GRIN2A: variants seen among roughly 807,000 people sequenced by gnomAD.
GRIN2A encodes glutamate receptor ionotropic, NMDA 2A.
GRIN2A carries 22 observed loss-of-function variants against 113.4 expected under a neutral mutation model. That is an observed-to-expected ratio of 0.19 (90% CI 0.14 to 0.28). GRIN2A has a LOEUF of 0.28. Ranked by LOEUF, GRIN2A falls within the 10% of genes least tolerant of loss-of-function variation. The pLI, the probability that GRIN2A is intolerant of heterozygous loss-of-function variation, is 1.00. For synonymous variants in GRIN2A, 827 were observed against 738.4 expected, an observed-to-expected ratio of 1.12 and a Z score of -1.94; for missense variants, 1,502 against 1,887.0, an observed-to-expected ratio of 0.80 and a Z score of 3.78.
At chr16:10,069,525 C>G (rs1264053855) in intron 2 of GRIN2A, among the ~76,000 whole-genome samples, 1 of 152,238 alleles carries the variant, frequency 6.6e-6, no homozygotes, top group Non-Finnish European at 1.5e-5. Flanking sequence ...GCCAGTGGAT[C>G]TGCTCTGCAG....
At chr16:9,891,250 T>C in intron 3 of GRIN2A, 150 bp from the exon 4 acceptor site, 1 of 677,970 alleles carries the variant, frequency 1.5e-6, no homozygotes, top group Non-Finnish European at 2.7e-6. Flanking sequence ...GAAGTATTAA[T>C]AACCATGCAA....
At chr16:9,992,708 G>A (rs2141821327) in intron 2 of GRIN2A, among the ~76,000 whole-genome samples, 1 of 152,294 alleles carries the variant, frequency 6.6e-6, no homozygotes, top group East Asian at 1.9e-4. Flanking sequence ...AGGATGCAGA[G>A]AAATCAAGGC....
At chr16:10,105,639 T>C (rs1290830028) in intron 2 of GRIN2A, among the ~76,000 whole-genome samples, 1 of 152,158 alleles carries the variant, frequency 6.6e-6, no homozygotes, top group Non-Finnish European at 1.5e-5. Flanking sequence ...TGGTGGTTCA[T>C]GCTTGTAATT....
chr16:9,968,900 G>A (rs946968230), intron 2 of GRIN2A, among the ~76,000 whole-genome samples: 31 of 152,150 alleles, frequency 2.0e-4, no homozygotes, highest in African/African-American at 7.2e-4. Flanking sequence ...GAGCCACTGC[G>A]CCCTGCCCTC....
intron 2 of GRIN2A, among the ~76,000 whole-genome samples, chr16:10,088,324 G>A (rs1033396828): frequency 3.3e-5 from 5 of 152,126 alleles, no homozygotes; most frequent in African/African-American, 1.2e-4. Context: ...AGCACAAACA[G>A]GTAAAAATGC....
chr16:10,017,120 G>T (rs905091533), intron 2 of GRIN2A, among the ~76,000 whole-genome samples: 1 of 152,186 alleles, frequency 6.6e-6, no homozygotes. Context: ...ATGAGCAGGT[G>T]ATCAAGCCCC....
chr16:9,843,301 T>A (rs1487451869), intron 5 of GRIN2A, among the ~76,000 whole-genome samples: 2 of 152,050 alleles, frequency 1.3e-5, no homozygotes, highest in East Asian at 3.9e-4. Flanking sequence ...ATATACATCA[T>A]CTCTATATCC....
chr16:10,016,426 G>T (rs1475031398), intron 2 of GRIN2A, among the ~76,000 whole-genome samples: 1 of 152,014 alleles, frequency 6.6e-6, no homozygotes, highest in Non-Finnish European at 1.5e-5. Flanking sequence ...AAGAAAAGAA[G>T]GACTATTGCC....
intron 2 of GRIN2A, among the ~76,000 whole-genome samples, chr16:10,126,869 T>C (rs1438911693): frequency 1.3e-5 from 2 of 152,190 alleles, no homozygotes; most frequent in Non-Finnish European, 2.9e-5. Context: ...CCTTGTCTTT[T>C]GGCCTACAGC....
At chr16:9,905,451 G>T in intron 3 of GRIN2A, among the ~76,000 whole-genome samples, 1 of 152,190 alleles carries the variant, frequency 6.6e-6, no homozygotes, top group East Asian at 1.9e-4. Flanking sequence ...GGTGCAAGAT[G>T]ATAACAGTGG....
At chr16:9,921,623 G>A (rs1470152718) in intron 3 of GRIN2A, among the ~76,000 whole-genome samples, 1 of 152,162 alleles carries the variant, frequency 6.6e-6, no homozygotes, top group Non-Finnish European at 1.5e-5. Context: ...CAGAATAAGT[G>A]CTGTGGTAGC....
chr16:10,089,013 G>A (rs913850760), intron 2 of GRIN2A, among the ~76,000 whole-genome samples: 1 of 152,156 alleles, frequency 6.6e-6, no homozygotes, highest in Non-Finnish European at 1.5e-5. Context: ...CTCTCCTCAT[G>A]CCTCAGTTTT....
At chr16:10,017,983 T>G (rs1186561456) in intron 2 of GRIN2A, among the ~76,000 whole-genome samples, 1 of 152,232 alleles carries the variant, frequency 6.6e-6, no homozygotes, top group East Asian at 1.9e-4. Flanking sequence ...GGTATTTACC[T>G]TGATAACTTA....
intron 9 of GRIN2A, among the ~76,000 whole-genome samples, chr16:9,824,348 C>G (rs1272824470): frequency 6.6e-6 from 1 of 152,228 alleles, no homozygotes; most frequent in African/African-American, 2.4e-5. Flanking sequence ...ATCCTCATGG[C>G]AGCCGCCTGC....
In GRIN2A at chr16:9,755,488, G is replaced by C. The variant is rs1330497554; in HGVS notation, c.*7661C>G. The C allele has an allele frequency of 1.1e-5, 2 of 182,644 alleles. No homozygotes were observed. The allele number at this position is 182,644 out of a possible 1,614,324, so 11.3% of individuals were successfully genotyped here. A position where few individuals can be genotyped will look rare whatever the true frequency, so the allele number is the denominator to read the frequency against. On this transcript the variant is annotated 3_prime_UTR_variant, in exon 13 of 13. Coordinates refer to ENST00000330684, the MANE Select transcript of GRIN2A (RefSeq NM_001134407.3). ...AAACAGCTGAGAAATTTTTCTCATA[G>C]ACTAGCACTTAACTTGCATTAAGTT... is the stretch of plus-strand genomic sequence containing the variant.
At chr16:10,054,291 T>C (rs1377534595) in intron 2 of GRIN2A, among the ~76,000 whole-genome samples, 2 of 152,150 alleles carry the variant, frequency 1.3e-5, no homozygotes, top group Non-Finnish European at 2.9e-5. Flanking sequence ...GGCCAATAAA[T>C]GTGAAAATAT....
At chr16:10,125,376 G>A (rs2048912762) in intron 2 of GRIN2A, among the ~76,000 whole-genome samples, 1 of 152,156 alleles carries the variant, frequency 6.6e-6, no homozygotes, top group Non-Finnish European at 1.5e-5. Context: ...ATGCTGGACA[G>A]AACAACCCCA....
chr16:10,067,068 C>T (rs532675496), intron 2 of GRIN2A, among the ~76,000 whole-genome samples: 1 of 152,322 alleles, frequency 6.6e-6, no homozygotes, highest in East Asian at 1.9e-4. Context: ...CTGGATCCCC[C>T]AGCTGTGAAC....
At chr16:9,988,289 G>A (rs1007469070) in intron 2 of GRIN2A, among the ~76,000 whole-genome samples, 3 of 120,992 alleles carry the variant, frequency 2.5e-5, no homozygotes, top group Non-Finnish European at 5.6e-5. Context: ...GTGTGCGTGT[G>A]TGTGTGTGTG....
Sources: allele counts gnomAD v4.1 joint callset (sites outside exome capture counted in the v4.1 genomes callset), GRCh38; gene constraint gnomAD v4.1.1; transcripts MANE v1.5; gene names NCBI Gene and HGNC (gene_info 2026-07-23, HGNC 2026-07-21).